GOLGA6C: variants seen among roughly 807,000 people sequenced by gnomAD.
GOLGA6C encodes golgin A6 family member C, also known as golgin subfamily A member 6C.
A neutral mutation model predicts 57.5 loss-of-function variants in GOLGA6C; 3 were observed. The observed-to-expected ratio is 0.05, with a 90% CI of 0.02 to 0.13. The LOEUF (loss-of-function observed/expected upper bound fraction) is 0.13, where lower values mean the gene tolerates loss of function less well. Among genes scored for constraint, GOLGA6C ranks in the 10% least tolerant of loss-of-function variants. GOLGA6C has a pLI of 1.00. For synonymous variants in GOLGA6C, 32 were observed against 203.8 expected, an observed-to-expected ratio of 0.16 and a Z score of 7.18; for missense variants, 88 against 525.6, an observed-to-expected ratio of 0.17 and a Z score of 8.14.
Position 75,270,575 on chromosome 15 carries a change from T to C in GOLGA6C, c.*376T>C, listed in dbSNP as rs1337336689. 8.3e-5 allele frequency among the ~76,000 whole-genome samples: 6 copies of C among 72,344 alleles called. No individual in the cohort carries two copies. The highest frequency in any genetic ancestry group is 1.5e-4 in the Non-Finnish European group (6 of 38,746). 47.5% of individuals were successfully genotyped at this position (72,344 alleles called of 152,430 possible). A position where few individuals can be genotyped will look rare whatever the true frequency, so the allele number is the denominator to read the frequency against. On this transcript the variant is annotated 3_prime_UTR_variant, in exon 18 of 18. Transcript: ENST00000300576. ...TCAAACACACAAAGACCCACTAATT[T>C]GCACAAAACTATTCTGGCTGGTTTG...
Position 75,270,352 on chromosome 15 carries a change from A to G in GOLGA6C, c.*153A>G, listed in dbSNP as rs1252609407. On this transcript the variant is annotated 3_prime_UTR_variant, in exon 18 of 18. Coordinates refer to ENST00000300576, the MANE Select transcript of GOLGA6C (RefSeq NM_001164404.2). ...ACGGGGTTCATCTCCTACACAATTC[A>G]TTTACTCCATTTGAATGCTAGAGCC... Among the ~76,000 whole-genome samples, 3 of 144,090 alleles carry G rather than the reference A, an allele frequency of 2.1e-5. No individual in the cohort carries two copies. The highest frequency in any genetic ancestry group is 4.5e-5 in the Non-Finnish European group (3 of 66,878). The allele number at this position is 144,090 out of a possible 152,430, so 94.5% of individuals were successfully genotyped here.
In GOLGA6C at chr15:75,273,301, G is replaced by A. The variant is rs2070799597; in HGVS notation, c.*3102G>A. On this transcript the variant is annotated 3_prime_UTR_variant, in exon 18 of 18. Coordinates refer to ENST00000300576, the MANE Select transcript of GOLGA6C (RefSeq NM_001164404.2). ...CCAATTCCAATGCAAGGCTTTATTT[G>A]CCAAGTTTTCTTAGAATGACTTTTA... is the stretch of plus-strand genomic sequence containing the variant. Among the ~76,000 whole-genome samples, 1 of 151,674 alleles carries A rather than the reference G, an allele frequency of 6.6e-6. No homozygotes were observed. The highest frequency in any genetic ancestry group is 1.5e-5 in the Non-Finnish European group (1 of 67,984).
In GOLGA6C at chr15:75,265,165, A is replaced by G. The variant is rs1421663878; in HGVS notation, c.608A>G (p.Gln203Arg). The G allele has an allele frequency of 5.0e-6, 8 of 1,599,196 alleles. No individual in the cohort carries two copies. In the South Asian group the frequency reaches 6.7e-5, roughly 13 times the overall value. The change falls in exon 8 of 18, where the codon CAG (glutamine) becomes CGG (arginine). Residue 203 changes from glutamine (Q) to arginine (R), a missense_variant. Gln to Arg is a conservative substitution (Grantham distance 43). Coordinates refer to ENST00000300576, the MANE Select transcript of GOLGA6C (RefSeq NM_001164404.2). Reference protein sequence around the residue: ...REAVLQRRLQQTIKERALLNA... With the variant: ...REAVLQRRLQRTIKERALLNA... ...GCGGTCCTCCAGCGGCGGTTACAGC[A>G]GACCATAAAGGAGCGGGCGCTGCTG...
At chr15:75,258,822 C>A (rs535968048) in intron 1 of GOLGA6C, 140 bp downstream of exon 1, 52 of 805,866 alleles carry the variant, frequency 6.5e-5, no homozygotes, top group South Asian at 5.0e-4. Flanking sequence ...GGGCTCCCCC[C>A]ACCAAAGTCT....
At position 75,270,348 on chromosome 15, in the gene GOLGA6C, A is replaced by G; in HGVS notation, c.*149A>G. The G allele has an allele frequency of 7.8e-7, 1 of 1,281,774 alleles. No homozygotes were observed. Among genetic ancestry groups the G allele is most frequent in the Admixed American group, 2.8e-5 (1 of 35,118 alleles). 79.4% of individuals were successfully genotyped at this position (1,281,774 alleles called of 1,614,324 possible). On this transcript the variant is annotated 3_prime_UTR_variant, in exon 18 of 18. Coordinates refer to ENST00000300576, the MANE Select transcript of GOLGA6C (RefSeq NM_001164404.2). Reference sequence around the variant, plus strand: ...AGTTACGGGGTTCATCTCCTACACAATTCATTTACTCCATTTGAATGCTAG... The same window carrying G: ...AGTTACGGGGTTCATCTCCTACACAGTTCATTTACTCCATTTGAATGCTAG...
In GOLGA6C at chr15:75,272,970, T is replaced by G. The variant is rs1385346156; in HGVS notation, c.*2771T>G. Among the ~76,000 whole-genome samples, 7 of 152,060 alleles carry G rather than the reference T, an allele frequency of 4.6e-5. No individual in the cohort carries two copies. Among genetic ancestry groups the G allele is most frequent in the Non-Finnish European group, 8.8e-5 (6 of 67,980 alleles). ...TGTAGGAAGTAAAGAATTAAAAATC[T>G]ATTTAAAGATTGCAATATATAATCA... On this transcript the variant is annotated 3_prime_UTR_variant, in exon 18 of 18. Coordinates refer to ENST00000300576, the MANE Select transcript of GOLGA6C (RefSeq NM_001164404.2).
rs538863094 is a variant in GOLGA6C at position 75,258,664 on chromosome 15, G to A, written c.66G>A (p.Leu22=). ...MMLEESRQNK[L]AAAKKKLKEY... Reference sequence around the variant, plus strand: ...TAGAAGAATCTCGACAGAATAAATTGGCAGCAGCCAAGAAAAAGGTAAAAA... The same window carrying A: ...TAGAAGAATCTCGACAGAATAAATTAGCAGCAGCCAAGAAAAAGGTAAAAA... The change falls in exon 1 of 18, where the codon TTG becomes TTA. Residue 22 remains leucine, a synonymous_variant. Transcript: ENST00000300576. 2.8e-5 allele frequency: 10 copies of A among 362,300 alleles called. No individual in the cohort carries two copies. Among genetic ancestry groups the A allele is most frequent in the South Asian group, 2.1e-4 (10 of 48,126 alleles). 22.4% of individuals were successfully genotyped at this position (362,300 alleles called of 1,614,324 possible). A position where few individuals can be genotyped will look rare whatever the true frequency, so the allele number is the denominator to read the frequency against.
intron 2 of GOLGA6C, among the ~76,000 whole-genome samples, 158 bp downstream of exon 2, chr15:75,260,650 G>T (rs1842418836): frequency 6.7e-6 from 1 of 149,836 alleles, no homozygotes; most frequent in Admixed American, 6.6e-5. Context: ...TGAGCTCTTT[G>T]AGCCTCTCTT....
At position 75,265,085 on chromosome 15, in the gene GOLGA6C, C is replaced by T. The variant is rs1204844092; in HGVS notation, c.565-37C>T. On this transcript the variant is annotated intron_variant, in intron 7 of 17. Coordinates refer to ENST00000300576, the MANE Select transcript of GOLGA6C (RefSeq NM_001164404.2). ...GCCCTTTTAAGGGGCACTGCCCGGG[C>T]TCCCCAGATCAAAACTTCTCACTCT... The T allele has an allele frequency of 2.5e-6, 4 of 1,606,106 alleles. 1 individual carries two copies. The Admixed American group carries it at 5.0e-5, about 20-fold the overall frequency.
At chr15:75,258,813 G>T (rs2070719672) in intron 1 of GOLGA6C, 131 bp downstream of exon 1, 2 of 795,492 alleles carry the variant, frequency 2.5e-6, no homozygotes, top group East Asian at 5.3e-5. Flanking sequence ...GGCGCCTCTG[G>T]GCTCCCCCCA....
rs2070791853 is a variant in GOLGA6C, at chr15:75,272,428, C to CTTTA, written c.*2230_*2231insTTAT. Reference sequence around the variant, plus strand: ...CTGTTAATTAGCCACCTTATTTGGTCTAACAGTTTTTCTTTATAATTCTGA... The same window carrying CTTTA: ...CTGTTAATTAGCCACCTTATTTGGTCTTTATAACAGTTTTTCTTTATAATTCTGA... On this transcript the variant is annotated 3_prime_UTR_variant, in exon 18 of 18. Transcript: ENST00000300576. Among the ~76,000 whole-genome samples the CTTTA allele has an allele frequency of 6.7e-6, 1 of 148,572 alleles. No homozygotes were observed. The highest frequency in any genetic ancestry group is 1.5e-5 in the Non-Finnish European group (1 of 67,494).
chr15:75,272,974 T>G lies in GOLGA6C; in HGVS notation c.*2775T>G, dbSNP rs1186107799. 2.6e-4 allele frequency among the ~76,000 whole-genome samples: 39 copies of G among 151,944 alleles called. No individual in the cohort carries two copies. Among genetic ancestry groups the G allele is most frequent in the Non-Finnish European group, 4.4e-4 (30 of 67,980 alleles). The stretch of plus-strand genomic sequence containing the variant: ...GGAAGTAAAGAATTAAAAATCTATT[T>G]AAAGATTGCAATATATAATCATTTT... On this transcript the variant is annotated 3_prime_UTR_variant, in exon 18 of 18. Coordinates refer to ENST00000300576, the MANE Select transcript of GOLGA6C (RefSeq NM_001164404.2).
chr15:75,264,439 G>GGTGTGTGTGTGTGTGTGT (rs368165570), intron 7 of GOLGA6C, among the ~76,000 whole-genome samples: 9 of 117,274 alleles, frequency 7.7e-5, no homozygotes, highest in Non-Finnish European at 1.4e-4. Flanking sequence ...AGAGGAAAGG[G>GGTGTGTGTGTGTGTGTGT]GTGTGTGTGT....
rs2070789363 is a variant in GOLGA6C, at chr15:75,271,565, G to GAAAA, written c.*1369_*1370insAAAA. 1.6e-5 allele frequency among the ~76,000 whole-genome samples: 1 copy of GAAAA among 61,672 alleles called. No individual in the cohort carries two copies. The highest frequency in any genetic ancestry group is 3.1e-5 in the Non-Finnish European group (1 of 32,784). 40.5% of individuals were successfully genotyped at this position (61,672 alleles called of 152,430 possible). The stretch of plus-strand genomic sequence containing the variant: ...CCAATATATGTGAGAGTACTTAGTT[G>GAAAA]AAACAAAAAGGAGTTTTAGTAGACA... On this transcript the variant is annotated 3_prime_UTR_variant, in exon 18 of 18. Transcript: ENST00000300576.
rs1200659217 is a variant in GOLGA6C, at chr15:75,268,881, AG to A, written c.1588del (p.Ala530ProfsTer32). On this transcript the variant is annotated frameshift_variant, in exon 14 of 18. Transcript: ENST00000300576. LOFTEE classifies it high-confidence loss of function. ...PNIPEDLESR[E>X]ATSSFMDLPK... ...ATCCCAGAGGACCTGGAGAGCCGGG[AG>A]GCCACGGTGAGCCTGACTTTCCCTG... is the stretch of plus-strand genomic sequence containing the variant. 2 of 919,034 alleles carry A rather than the reference AG, an allele frequency of 2.2e-6. No homozygotes were observed. The highest frequency in any genetic ancestry group is 3.6e-5 in the African/African-American group (2 of 54,896). 56.9% of individuals were successfully genotyped at this position (919,034 alleles called of 1,614,324 possible).
intron 1 of GOLGA6C, among the ~76,000 whole-genome samples, chr15:75,259,024 C>A (rs1287672322): frequency 1.3e-5 from 2 of 149,316 alleles, no homozygotes; most frequent in African/African-American, 5.0e-5. Flanking sequence ...CCAGCCCCAA[C>A]CCCCCAGCAT....
chr15:75,263,306 AG>A, intron 3 of GOLGA6C, 41 bp from the exon 4 acceptor site: 1 of 729,878 alleles, frequency 1.4e-6, no homozygotes, highest in East Asian at 3.2e-5. Context: ...AATAGAGTTG[AG>A]GGGGCCACTC....
Position 75,270,172 on chromosome 15 carries a change from G to A in GOLGA6C, c.2055G>A (p.Gln685=). The A allele has an allele frequency of 6.3e-7, 1 of 1,592,334 alleles. No homozygotes were observed. Among genetic ancestry groups the A allele is most frequent in the South Asian group, 1.1e-5 (1 of 89,304 alleles). The stretch of plus-strand genomic sequence containing the variant: ...ACCCCCCGGTACAGCAGATCGTGCA[G>A]CTGTCTCCTGTCATGCAGGACACCT... ...HDNPPVQQIV[Q]LSPVMQDT Residue 685 remains glutamine, a synonymous_variant, in exon 18 of 18, where the codon CAG becomes CAA. Coordinates refer to ENST00000300576, the MANE Select transcript of GOLGA6C (RefSeq NM_001164404.2).
chr15:75,270,030 G>T (rs779341317), intron 17 of GOLGA6C, 42 bp from the exon 18 acceptor site: 1 of 1,599,428 alleles, frequency 6.3e-7, no homozygotes, highest in Non-Finnish European at 8.5e-7. Flanking sequence ...GGGCAGGGGA[G>T]GCTCGCACTG....
Sources: gnomAD v4.1 joint callset for allele counts (sites outside exome capture counted in the v4.1 genomes callset) on GRCh38, gnomAD v4.1.1 for gene constraint, MANE v1.5 for transcripts, NCBI Gene and HGNC (gene_info 2026-07-23, HGNC 2026-07-21) for gene names.